UBE2D2: variants seen among roughly 807,000 people sequenced by gnomAD.
UBE2D2 encodes ubiquitin conjugating enzyme E2 D2.
UBE2D2 carries 2 observed loss-of-function variants against 24.2 expected under a neutral mutation model. The observed-to-expected ratio is 0.08, with a 90% confidence interval of 0.03 to 0.26. UBE2D2 has a LOEUF of 0.26. UBE2D2 is among the 10% of genes least tolerant of loss of function. The pLI, the probability that UBE2D2 is intolerant of heterozygous loss-of-function variation, is 1.00. For missense variants in UBE2D2, 44 were observed against 177.6 expected, an observed-to-expected ratio of 0.25 and a Z score of 4.28; for synonymous variants, 58 against 56.5, an observed-to-expected ratio of 1.03 and a Z score of -0.12.
Position 139,601,895 on chromosome 5 carries a change from G to A in UBE2D2, c.88+1460G>A, listed in dbSNP as rs113947785. On this transcript the variant is annotated intron_variant, in intron 2 of 6. Transcript: ENST00000398733. ...ACTGCACTCCAGCCTGCGTGACAGAGTGAGACTTACTCTCAAAAAAAAAAA... is the reference window on the plus strand; with the variant it reads ...ACTGCACTCCAGCCTGCGTGACAGAATGAGACTTACTCTCAAAAAAAAAAA... Among the ~76,000 whole-genome samples, 56 of 147,662 alleles carry A rather than the reference G, an allele frequency of 3.8e-4. 2 individuals carry two copies. In the Middle Eastern group the frequency reaches 0.011, roughly 28 times the overall value.
intron 1 of UBE2D2, among the ~76,000 whole-genome samples, chr5:139,550,632 C>T (rs1752901955): frequency 6.6e-6 from 1 of 151,986 alleles, no homozygotes; most frequent in Non-Finnish European, 1.5e-5. Context: ...TTTGGGTACA[C>T]ACTGAGTTTA....
At chr5:139,594,342 G>GAT (rs529414420) in intron 1 of UBE2D2, among the ~76,000 whole-genome samples, 140 of 151,928 alleles carry the variant, frequency 9.2e-4, no homozygotes, top group Middle Eastern at 3.4e-3. Context: ...ATAGTGTTGT[G>GAT]ATATATATAT....
intron 5 of UBE2D2, among the ~76,000 whole-genome samples, chr5:139,616,998 A>G (rs1246116490): frequency 1.3e-5 from 2 of 152,252 alleles, no homozygotes; most frequent in Admixed American, 1.3e-4. Flanking sequence ...CTTGGCCAAC[A>G]TGGCAAAACC....
rs547816515 is a variant in UBE2D2, at chr5:139,589,859, A to G, written c.25-10513A>G. On this transcript the variant is annotated intron_variant, in intron 1 of 6. Coordinates refer to ENST00000398733, the MANE Select transcript of UBE2D2 (RefSeq NM_003339.3). ...GAGTGCAGTGGCGCAATCTTGGCTC[A>G]CTGCAAACTCCGCCTCCTGGGTTCA... is the stretch of plus-strand genomic sequence containing the variant. 4.6e-5 allele frequency among the ~76,000 whole-genome samples: 7 copies of G among 152,070 alleles called. No homozygotes were observed. In the South Asian group the frequency reaches 1.2e-3, roughly 27 times the overall value.
At chr5:139,576,289 G>T (rs574762392) in intron 1 of UBE2D2, among the ~76,000 whole-genome samples, 3 of 152,132 alleles carry the variant, frequency 2.0e-5, no homozygotes, top group Non-Finnish European at 4.4e-5. Context: ...CCATACTCTG[G>T]ATGTTCTAGG....
chr5:139,546,607 T>C (rs907958865), intron 1 of UBE2D2, among the ~76,000 whole-genome samples: 4 of 151,880 alleles, frequency 2.6e-5, no homozygotes, highest in Admixed American at 2.6e-4. Context: ...CTCAGCCCCA[T>C]GTGTAGCTGG....
chr5:139,618,029 A>C (rs938312553), intron 5 of UBE2D2, among the ~76,000 whole-genome samples: 1 of 151,846 alleles, frequency 6.6e-6, no homozygotes, highest in African/African-American at 2.4e-5. Flanking sequence ...GCTGGAGTGC[A>C]GTGGCGCAAT....
intron 2 of UBE2D2, among the ~76,000 whole-genome samples, chr5:139,609,506 G>C (rs1052669668): frequency 1.3e-5 from 2 of 151,740 alleles, no homozygotes; most frequent in Non-Finnish European, 2.9e-5. Flanking sequence ...GAGTAGCTGG[G>C]ATTACAGGCA....
chr5:139,608,207 G>A (rs751420560), intron 2 of UBE2D2, among the ~76,000 whole-genome samples: 88 of 152,104 alleles, frequency 5.8e-4, no homozygotes, highest in African/African-American at 1.7e-3. Context: ...CAAGGTGGGC[G>A]GATTGCCTGA....
chr5:139,579,612 G>C (rs1753551129), intron 1 of UBE2D2, among the ~76,000 whole-genome samples: 1 of 152,064 alleles, frequency 6.6e-6, no homozygotes, highest in African/African-American at 2.4e-5. Flanking sequence ...TTTTTAAAAA[G>C]TCTTACAATC....
intron 1 of UBE2D2, chr5:139,554,890 AT>A (rs369510172): frequency 5.8e-4 from 85 of 147,764 alleles, no homozygotes; most frequent in East Asian, 4.9e-3. Flanking sequence ...TGATATCGTG[AT>A]TTTTTTTTTT....
At chr5:139,557,111 G>A (rs1752990434), upstream of UBE2D2, among the ~76,000 whole-genome samples, 1 of 150,632 alleles carries the variant, frequency 6.6e-6, no homozygotes, top group African/African-American at 2.4e-5. Context: ...GGGATTACAG[G>A]TATGAGTCAC....
intron 1 of UBE2D2, among the ~76,000 whole-genome samples, chr5:139,530,784 C>T (rs748224380): frequency 1.1e-4 from 17 of 152,128 alleles, no homozygotes; most frequent in Non-Finnish European, 1.6e-4. Flanking sequence ...TGTACCTGTG[C>T]AAGTGTGGCA....
At chr5:139,548,040 T>C (rs1340452981) in intron 1 of UBE2D2, among the ~76,000 whole-genome samples, 1 of 151,600 alleles carries the variant, frequency 6.6e-6, no homozygotes, top group East Asian at 2.0e-4. Flanking sequence ...GGCTCACGCC[T>C]GTAATCCTAG....
At chr5:139,593,626 C>CT (rs952219053) in intron 1 of UBE2D2, among the ~76,000 whole-genome samples, 30 of 151,604 alleles carry the variant, frequency 2.0e-4, no homozygotes, top group Non-Finnish European at 3.4e-4. Flanking sequence ...AAAATATGTA[C>CT]TTTTTTTTAG....
At chr5:139,556,620 T>G (rs530923761), upstream of UBE2D2, among the ~76,000 whole-genome samples, 3 of 152,112 alleles carry the variant, frequency 2.0e-5, no homozygotes, top group Admixed American at 1.3e-4. Flanking sequence ...ACATCAGAAA[T>G]ACAAAGGGAC....
intron 1 of UBE2D2, among the ~76,000 whole-genome samples, chr5:139,593,826 G>A (rs1289812684): frequency 6.6e-6 from 1 of 152,040 alleles, no homozygotes; most frequent in Non-Finnish European, 1.5e-5. Flanking sequence ...GTGTTGACCA[G>A]GCTGGTCTGG....
chr5:139,529,923 A>G (rs1052690963), intron 1 of UBE2D2, among the ~76,000 whole-genome samples: 2 of 152,220 alleles, frequency 1.3e-5, no homozygotes, highest in Non-Finnish European at 2.9e-5. Context: ...ACAAGAGATC[A>G]ATGGCCATGG....
intron 1 of UBE2D2, among the ~76,000 whole-genome samples, chr5:139,539,237 C>G (rs1486867327): frequency 6.6e-6 from 1 of 152,028 alleles, no homozygotes; most frequent in Non-Finnish European, 1.5e-5. Flanking sequence ...GTTGGTCAGG[C>G]TGGTCTCGAA....
Sources: gnomAD v4.1 joint callset for allele counts (sites outside exome capture counted in the v4.1 genomes callset) on GRCh38, gnomAD v4.1.1 for gene constraint, MANE v1.5 for transcripts, NCBI Gene and HGNC (gene_info 2026-07-23, HGNC 2026-07-21) for gene names.